STX8: variants seen among roughly 807,000 people sequenced by gnomAD.
STX8 encodes syntaxin 8, also known as syntaxin-8.
In STX8, 23 loss-of-function variants were observed where a neutral mutation model predicts 37.5. The ratio of observed to expected loss-of-function variants is 0.61; its 90% CI spans 0.44 to 0.87. The LOEUF (loss-of-function observed/expected upper bound fraction) is 0.87, where lower values mean the gene tolerates loss of function less well. Ranked by LOEUF, STX8 falls within the 40% of genes least tolerant of loss-of-function variation. The pLI, the probability that STX8 is intolerant of heterozygous loss-of-function variation, is 0.00. For missense variants in STX8, 313 were observed against 284.7 expected (o/e 1.10, Z -0.71); for synonymous variants, 115 against 99.1 (o/e 1.16, Z -0.95).
At chr17:9,512,470 T>G (rs1337887529) in intron 4 of STX8, among the ~76,000 whole-genome samples, 1 of 152,092 alleles carries the variant, frequency 6.6e-6, no homozygotes, top group Non-Finnish European at 1.5e-5. Flanking sequence ...ACTGATCTTT[T>G]TTTTTTTTTC....
chr17:9,459,853 A>T (rs1905299046), intron 6 of STX8, among the ~76,000 whole-genome samples: 2 of 152,232 alleles, frequency 1.3e-5, no homozygotes, highest in Admixed American at 1.3e-4. Flanking sequence ...TTGAGCTGAA[A>T]TCTGTTGCTT....
chr17:9,546,228 C>A (rs1906501094), intron 3 of STX8, among the ~76,000 whole-genome samples: 1 of 152,188 alleles, frequency 6.6e-6, no homozygotes. Context: ...GTGAATCTAG[C>A]AAACACGCTA....
intron 6 of STX8, among the ~76,000 whole-genome samples, chr17:9,481,092 C>A (rs1287740351): frequency 2.0e-5 from 3 of 152,140 alleles, no homozygotes; most frequent in Non-Finnish European, 4.4e-5. Context: ...ACCATGTAAG[C>A]CAGGATGGTC....
chr17:9,316,607 T>C (rs933265716), intron 7 of STX8, among the ~76,000 whole-genome samples: 7 of 152,218 alleles, frequency 4.6e-5, no homozygotes, highest in African/African-American at 1.7e-4. Context: ...CCCCTACCCA[T>C]ACCTTACCCT....
chr17:9,296,836 G>T (rs1171987246), intron 7 of STX8, among the ~76,000 whole-genome samples: 2 of 152,184 alleles, frequency 1.3e-5, no homozygotes, highest in African/African-American at 2.4e-5. Context: ...GACAAAGGTG[G>T]TGGCTGAATC....
In STX8 at chr17:9,462,064, C is replaced by T. The variant is rs534063612; in HGVS notation, c.541+29765G>A. 3.9e-5 allele frequency among the ~76,000 whole-genome samples: 6 copies of T among 152,270 alleles called. No homozygotes were observed. In the East Asian group the frequency reaches 5.8e-4, roughly 15 times the overall value. Reference sequence around the variant, plus strand: ...GATGAAGCTTCAGTCAGTTGCCCGCCGCTCACCTCCTGCTGTGCAACCTGG... The same window carrying T: ...GATGAAGCTTCAGTCAGTTGCCCGCTGCTCACCTCCTGCTGTGCAACCTGG... On this transcript the variant is annotated intron_variant, in intron 6 of 7. Coordinates refer to ENST00000306357, the MANE Select transcript of STX8 (RefSeq NM_004853.3).
At chr17:9,473,276 C>A (rs1455515862) in intron 6 of STX8, among the ~76,000 whole-genome samples, 1 of 152,146 alleles carries the variant, frequency 6.6e-6, no homozygotes, top group Non-Finnish European at 1.5e-5. Context: ...GTCTTGGCCT[C>A]CCAAAGTGCT....
At chr17:9,517,811 A>AAAG (rs71135990) in intron 4 of STX8, among the ~76,000 whole-genome samples, 21 of 128,674 alleles carry the variant, frequency 1.6e-4, no homozygotes, top group African/African-American at 5.7e-4. Flanking sequence ...AAAAAAAAAA[A>AAAG]GGCAAAGAGA....
chr17:9,557,388 T>A (rs142997901), intron 3 of STX8, 46 bp downstream of exon 3: 2 of 1,532,142 alleles, frequency 1.3e-6, no homozygotes, highest in East Asian at 2.3e-5. Flanking sequence ...ATACGACTGC[T>A]TTTCCTCCCA....
In STX8 at chr17:9,559,760, A is replaced by ATATATATATATTT; in HGVS notation, c.118-2233_118-2232insAAATATATATATA. ...TATATATATATATATATATATATAT[A>ATATATATATATTT]TTTTTTTTTTTTTTTTTTTTGAGAC... On this transcript the variant is annotated intron_variant, in intron 2 of 7. Coordinates refer to ENST00000306357, the MANE Select transcript of STX8 (RefSeq NM_004853.3). Among the ~76,000 whole-genome samples the ATATATATATATTT allele has an allele frequency of 0.011, 276 of 24,460 alleles. 20 individuals carry two copies. The East Asian group carries it at 0.15, about 13-fold the overall frequency. The allele number at this position is 24,460 out of a possible 152,430, so 16.0% of individuals were successfully genotyped here. A position where few individuals can be genotyped will look rare whatever the true frequency, so the allele number is the denominator to read the frequency against.
intron 4 of STX8, among the ~76,000 whole-genome samples, chr17:9,536,749 T>TA (rs1383883312): frequency 4.1e-4 from 61 of 147,300 alleles, no homozygotes; most frequent in African/African-American, 8.9e-4. Flanking sequence ...TTATTATTAT[T>TA]TTTTTTTTTT....
At chr17:9,259,939 C>T (rs542152413) in intron 7 of STX8, among the ~76,000 whole-genome samples, 53 of 152,226 alleles carry the variant, frequency 3.5e-4, no homozygotes, top group Non-Finnish European at 6.2e-4. Flanking sequence ...TCATAGTGTC[C>T]GGGCATGGTG....
chr17:9,310,223 G>A (rs959028536), intron 7 of STX8, among the ~76,000 whole-genome samples: 9 of 152,208 alleles, frequency 5.9e-5, no homozygotes, highest in East Asian at 1.9e-4. Flanking sequence ...AGAGAACTTC[G>A]TGGTGGAGAC....
rs1455688476 is a variant in STX8, at chr17:9,507,091, C to T, written c.324-1929G>A. On this transcript the variant is annotated intron_variant, in intron 4 of 7. Coordinates refer to ENST00000306357, the MANE Select transcript of STX8 (RefSeq NM_004853.3). The surrounding 1 kb of genome is among the most constrained non-coding windows in gnomAD (Gnocchi z 4.0). Reference sequence around the variant, plus strand: ...TTGAGCCAACCAAACTGCTGCATACCCTCCTGCAAGCAGAAGGCCCTGAGC... The same window carrying T: ...TTGAGCCAACCAAACTGCTGCATACTCTCCTGCAAGCAGAAGGCCCTGAGC... Among the ~76,000 whole-genome samples, 1 of 151,866 alleles carries T rather than the reference C, an allele frequency of 6.6e-6. No individual in the cohort carries two copies. The highest frequency in any genetic ancestry group is 1.5e-5 in the Non-Finnish European group (1 of 67,982).
chr17:9,261,123 C>T lies in STX8; in HGVS notation c.644-10478G>A, dbSNP rs566892741. Among the ~76,000 whole-genome samples the T allele has an allele frequency of 3.8e-4, 58 of 152,278 alleles. 1 individual carries two copies. Among genetic ancestry groups the T allele is most frequent in the Admixed American group, 2.2e-3 (34 of 15,302 alleles). ...ACGGCAGCCTAGTGAAAGGCAGGTT[C>T]CTGGGATCTGGGGTCTAGGATCCAG... On this transcript the variant is annotated intron_variant, in intron 7 of 7. Coordinates refer to ENST00000306357, the MANE Select transcript of STX8 (RefSeq NM_004853.3).
At chr17:9,281,165 C>G (rs926863267) in intron 7 of STX8, among the ~76,000 whole-genome samples, 35 of 152,114 alleles carry the variant, frequency 2.3e-4, no homozygotes, top group African/African-American at 8.0e-4. Flanking sequence ...AGAACTGGAA[C>G]AGGAAGGCGA....
At chr17:9,497,974 A>G (rs1247084465) in intron 5 of STX8, among the ~76,000 whole-genome samples, 1 of 152,252 alleles carries the variant, frequency 6.6e-6, no homozygotes, top group Non-Finnish European at 1.5e-5. Context: ...CTGAGTTTAC[A>G]CAGTCAAAAA....
intron 7 of STX8, among the ~76,000 whole-genome samples, chr17:9,309,577 A>T (rs1023739563): frequency 9.9e-5 from 15 of 152,190 alleles, no homozygotes; most frequent in African/African-American, 3.6e-4. Flanking sequence ...GATAGTACAC[A>T]TTCATTACTG....
At chr17:9,574,195 C>A (rs1907800154) in intron 1 of STX8, among the ~76,000 whole-genome samples, 1 of 150,612 alleles carries the variant, frequency 6.6e-6, no homozygotes, top group Non-Finnish European at 1.5e-5. Context: ...TGCTTAAGCC[C>A]AGGAGGTGGA....
Sources: gnomAD v4.1 joint callset for allele counts (sites outside exome capture counted in the v4.1 genomes callset) on GRCh38, gnomAD v4.1.1 for gene constraint, Gnocchi (gnomAD v3.1) non-coding constraint, MANE v1.5 for transcripts, NCBI Gene and HGNC (gene_info 2026-07-23, HGNC 2026-07-21) for gene names.